Variants in GPSM2 observed in about 807,000 individuals in gnomAD.
GPSM2 encodes G protein signaling modulator 2, also known as G protein-signaling modulator 2.
A neutral mutation model predicts 78.4 loss-of-function variants in GPSM2; 58 were observed. The observed-to-expected ratio is 0.74, with a 90% CI of 0.60 to 0.92. GPSM2 has a LOEUF of 0.92. Among genes scored for constraint, GPSM2 ranks in the 40% least tolerant of loss-of-function variants. The pLI is 0.00. For synonymous variants in GPSM2, 224 were observed against 280.2 expected, an observed-to-expected ratio of 0.80 and a Z score of 2.00; for missense variants, 700 against 815.5, an observed-to-expected ratio of 0.86 and a Z score of 1.73.
intron 14 of GPSM2, among the ~76,000 whole-genome samples, chr1:108,928,986 C>T (rs59443808): frequency 0.22 from 30,549 of 140,930 alleles, 3,513 homozygotes; most frequent in East Asian, 0.33. Flanking sequence ...GAGAATCCGT[C>T]TCAAAAAAAA....
Position 108,924,106 on chromosome 1 carries a change from G to T in GPSM2, c.1707G>T (p.Leu569Phe), listed in dbSNP as rs1650946877. 1 of 1,613,650 alleles carries T rather than the reference G, an allele frequency of 6.2e-7. No homozygotes were observed. The highest frequency in any genetic ancestry group is 8.5e-7 in the Non-Finnish European group (1 of 1,179,602). The change falls in exon 14 of 15, where the codon TTG becomes TTT. Residue 569 changes from leucine (L) to phenylalanine (F), a missense_variant. By Grantham distance (22) the Leu-to-Phe change is conservative. Transcript: ENST00000264126. ...LDDQRASFSN[L>F]PGLRLTQNSQ... ...ACCAGAGGGCTAGTTTCAGTAATTT[G>T]CCAGGGCTTCGTCTAACACAAAACA...
chr1:108,898,948 G>A lies in GPSM2; in HGVS notation c.751G>A (p.Ala251Thr), dbSNP rs1648585533. 3 of 1,611,790 alleles carry A rather than the reference G, an allele frequency of 1.9e-6. No homozygotes were observed. Among genetic ancestry groups the A allele is most frequent in the East Asian group, 4.5e-5 (2 of 44,828 alleles). The change falls in exon 7 of 15, where the codon GCA becomes ACA. Residue 251 changes from alanine to threonine, a missense_variant. By Grantham distance (58) the Ala-to-Thr change is moderately conservative. Transcript: ENST00000264126. ...ERRAYSNLGN[A>T]YIFLGEFETA... ...AAGAGCATATAGCAACCTTGGAAAT[G>A]CATATATATTTCTTGGTGAATTTGA...
At chr1:108,884,354 A>AT (rs1219059947) in intron 1 of GPSM2, among the ~76,000 whole-genome samples, 1 of 152,206 alleles carries the variant, frequency 6.6e-6, no homozygotes, top group African/African-American at 2.4e-5. Flanking sequence ...TGGCATGAAT[A>AT]TTAATACTGT....
chr1:108,885,904 T>C (rs550918189), intron 2 of GPSM2, among the ~76,000 whole-genome samples: 4 of 152,336 alleles, frequency 2.6e-5, no homozygotes, highest in African/African-American at 7.2e-5. Context: ...TTTTTAAAAA[T>C]GTGGTCAGCT....
chr1:108,885,571 C>A lies in GPSM2; in HGVS notation c.49C>A (p.Arg17Ser). The A allele has an allele frequency of 6.4e-7, 1 of 1,574,494 alleles. No individual in the cohort carries two copies. Among genetic ancestry groups the A allele is most frequent in the Non-Finnish European group, 8.7e-7 (1 of 1,144,134 alleles). ...GAGAGAAGACCATTCTTTTCATGTTCGTTACAGGTAAGACTATTGCTGTCT... is the reference window on the plus strand; with the variant it reads ...GAGAGAAGACCATTCTTTTCATGTTAGTTACAGGTAAGACTATTGCTGTCT... ...SMREDHSFHV[R>S]YRMEASCLEL... Residue 17 changes from arginine (R) to serine (S), a missense_variant, in exon 2 of 15, where the codon CGT becomes AGT. Arg to Ser is a moderately radical substitution (Grantham distance 110, BLOSUM62 -1). Transcript: ENST00000264126.
chr1:108,887,577 C>G (rs1347920871), intron 2 of GPSM2, among the ~76,000 whole-genome samples: 1 of 152,298 alleles, frequency 6.6e-6, no homozygotes, highest in South Asian at 2.1e-4. Context: ...CTTGGATGGC[C>G]TAGAATGCCA....
chr1:108,901,767 T>A (rs2101428586), intron 7 of GPSM2, 23 bp from the exon 8 acceptor site: 1 of 1,580,798 alleles, frequency 6.3e-7, no homozygotes, highest in African/African-American at 1.3e-5. Context: ...GATCATTATA[T>A]AAGAATTAAT....
chr1:108,914,261 C>T, intron 10 of GPSM2, 77 bp from the exon 11 acceptor site: 1 of 941,552 alleles, frequency 1.1e-6, no homozygotes, highest in Admixed American at 1.8e-5. Context: ...GATTTTAGAA[C>T]TGAATAATGT....
intron 14 of GPSM2, 55 bp downstream of exon 14, chr1:108,924,269 T>C (rs772978103): frequency 1.7e-5 from 17 of 1,027,268 alleles, no homozygotes; most frequent in Non-Finnish European, 2.1e-5. Context: ...ACTGAAAACA[T>C]TGGTAGTGTT....
intron 11 of GPSM2, among the ~76,000 whole-genome samples, chr1:108,917,609 C>CATATATATAT (rs761319516): frequency 4.4e-5 from 4 of 90,276 alleles, no homozygotes; most frequent in Non-Finnish European, 1.0e-4. Flanking sequence ...CACACACACA[C>CATATATATAT]ACATATATAT....
Position 108,932,795 on chromosome 1 carries a change from A to G in GPSM2, c.*2855A>G, listed in dbSNP as rs1192758103. ...GTCTGTCAGGATTCATTTGTTAAAC[A>G]TGTCCTCTGTGTTAAAAATCCTAAA... On this transcript the variant is annotated 3_prime_UTR_variant, in exon 15 of 15. Coordinates refer to ENST00000264126, the MANE Select transcript of GPSM2 (RefSeq NM_013296.5). 8.5e-5 allele frequency: 13 copies of G among 152,258 alleles called. No individual in the cohort carries two copies. The highest frequency in any genetic ancestry group is 8.5e-4 in the Admixed American group (13 of 15,290). 9.4% of individuals were successfully genotyped at this position (152,258 alleles called of 1,614,324 possible).
intron 5 of GPSM2, 133 bp downstream of exon 5, chr1:108,898,234 C>A: frequency 1.2e-6 from 1 of 856,942 alleles, no homozygotes; most frequent in Non-Finnish European, 1.9e-6. Flanking sequence ...ATCATCAATT[C>A]AGTTGCTTAA....
intron 14 of GPSM2, among the ~76,000 whole-genome samples, chr1:108,924,873 G>A (rs1570958685): frequency 2.0e-5 from 3 of 152,092 alleles, no homozygotes; most frequent in African/African-American, 7.2e-5. Flanking sequence ...GAAGGTACTG[G>A]GAGTGTCCTC....
At chr1:108,921,420 A>C (rs1374881129) in intron 12 of GPSM2, among the ~76,000 whole-genome samples, 1 of 67,400 alleles carries the variant, frequency 1.5e-5, no homozygotes, top group Non-Finnish European at 2.9e-5. Flanking sequence ...ACTCCTCAAA[A>C]AAAAAAAAAA....
chr1:108,905,687 C>T (rs1017156675), intron 10 of GPSM2, among the ~76,000 whole-genome samples: 24 of 152,140 alleles, frequency 1.6e-4, no homozygotes, highest in African/African-American at 5.1e-4. Flanking sequence ...TTTTCCATCT[C>T]TCTCTCCTTC....
At chr1:108,919,575 C>G (rs1294606585) in intron 12 of GPSM2, among the ~76,000 whole-genome samples, 1 of 151,630 alleles carries the variant, frequency 6.6e-6, no homozygotes, top group Admixed American at 6.6e-5. Flanking sequence ...CTGTCTCTAC[C>G]AAAAAATAAA....
chr1:108,919,481 C>T (rs980051035), intron 12 of GPSM2, among the ~76,000 whole-genome samples: 3 of 152,170 alleles, frequency 2.0e-5, no homozygotes, highest in Non-Finnish European at 4.4e-5. Flanking sequence ...TTAGCATCTA[C>T]TTGTATTAAT....
Position 108,922,554 on chromosome 1 carries a change from T to G in GPSM2, c.1578T>G (p.Thr526=), listed in dbSNP as rs780101621. The change falls in exon 13 of 15, where the codon ACT becomes ACG. Residue 526 remains threonine, a synonymous_variant. Coordinates refer to ENST00000264126, the MANE Select transcript of GPSM2 (RefSeq NM_013296.5). ...CAGCTTCAACAACAACTTCTTCCAC[T>G]CCCCCTAAAATGATGCTAAAAAGTA... ...CHTASTTTSS[T]PPKMMLKTSS... is the part of the protein sequence containing the mutation. 1 of 1,609,612 alleles carries G rather than the reference T, an allele frequency of 6.2e-7. No homozygotes were observed. Among genetic ancestry groups the G allele is most frequent in the South Asian group, 1.1e-5 (1 of 90,956 alleles).
chr1:108,882,325 A>G (rs569160678), intron 1 of GPSM2, among the ~76,000 whole-genome samples: 3 of 152,336 alleles, frequency 2.0e-5, no homozygotes, highest in African/African-American at 7.2e-5. Context: ...ACCAAAATCC[A>G]TGGATGCTCA....
Sources: gnomAD v4.1 joint callset for allele counts (sites outside exome capture counted in the v4.1 genomes callset) on GRCh38, gnomAD v4.1.1 for gene constraint, MANE v1.5 for transcripts, NCBI Gene and HGNC (gene_info 2026-07-23, HGNC 2026-07-21) for gene names.